SRRM4: variants seen among roughly 807,000 people sequenced by gnomAD.
SRRM4 encodes serine/arginine repetitive matrix protein 4.
A neutral mutation model predicts 68.9 loss-of-function variants in SRRM4; 33 were observed. The observed-to-expected ratio is 0.48, with a 90% CI of 0.36 to 0.64. The LOEUF (loss-of-function observed/expected upper bound fraction) is 0.64. SRRM4 is among the 30% of genes least tolerant of loss of function. SRRM4 has a pLI of 0.00. For missense variants in SRRM4, 817 were observed against 827.1 expected, an observed-to-expected ratio of 0.99 and a Z score of 0.15; for synonymous variants, 318 against 318.8, an observed-to-expected ratio of 1.00 and a Z score of 0.03.
Position 119,091,476 on chromosome 12 carries a change from C to T in SRRM4, c.132-10760C>T, listed in dbSNP as rs79530226. ...GTTTGAGGAAAGGTAGTCAGAGTCACAGTGAGTGGGTCTCCAGAGGCAATC... is the reference window on the plus strand; with the variant it reads ...GTTTGAGGAAAGGTAGTCAGAGTCATAGTGAGTGGGTCTCCAGAGGCAATC... On this transcript the variant is annotated intron_variant, in intron 1 of 12. Transcript: ENST00000267260. Among the ~76,000 whole-genome samples, 961 of 152,244 alleles carry T rather than the reference C, an allele frequency of 6.3e-3. 6 individuals are homozygous for T. Among genetic ancestry groups the T allele is most frequent in the African/African-American group, 0.021 (868 of 41,540 alleles).
chr12:119,091,084 A>G (rs1004424654), intron 1 of SRRM4, among the ~76,000 whole-genome samples: 1 of 152,138 alleles, frequency 6.6e-6, no homozygotes, highest in African/African-American at 2.4e-5. Flanking sequence ...TCTGCTTGTT[A>G]GGAATTTTCT....
chr12:119,014,674 G>A (rs1953470419), intron 1 of SRRM4, among the ~76,000 whole-genome samples: 1 of 152,102 alleles, frequency 6.6e-6, no homozygotes. Context: ...AATTTAGGAA[G>A]GCACAGGAAG....
intron 1 of SRRM4, among the ~76,000 whole-genome samples, chr12:119,071,420 T>C (rs1006542663): frequency 1.3e-5 from 2 of 152,224 alleles, no homozygotes; most frequent in Non-Finnish European, 2.9e-5. Context: ...GAATTAAATC[T>C]GTCTATGCCT....
chr12:119,145,491 A>G lies in SRRM4; in HGVS notation c.882A>G (p.Pro294=), dbSNP rs1283293473. 2 of 1,610,118 alleles carry G rather than the reference A, an allele frequency of 1.2e-6. No individual in the cohort carries two copies. The highest frequency in any genetic ancestry group is 2.2e-5 in the South Asian group (2 of 90,290). ...EYDSGNDTSS[P]PSTQTSSARS... is the part of the protein sequence containing the mutation. ...ACTCAGGAAATGACACGTCCTCGCC[A>G]CCCTCCACGCAAACCAGCTCAGCCA... Residue 294 remains proline (P), a synonymous_variant, in exon 9 of 13, where the codon CCA becomes CCG. Transcript: ENST00000267260.
chr12:119,055,662 T>G (rs1226305823), intron 1 of SRRM4, among the ~76,000 whole-genome samples: 3 of 152,326 alleles, frequency 2.0e-5, no homozygotes, highest in Non-Finnish European at 4.4e-5. Flanking sequence ...TGTTCTGTCA[T>G]GAGTAATAAG....
chr12:119,025,826 A>G (rs915680455), intron 1 of SRRM4, among the ~76,000 whole-genome samples: 2 of 152,082 alleles, frequency 1.3e-5, no homozygotes, highest in Admixed American at 6.5e-5. Flanking sequence ...CATGAAAATG[A>G]TCAGACCTTG....
rs1482855892 is a variant in SRRM4 at position 118,981,776 on chromosome 12, T to G, written c.-107T>G. The G allele has an allele frequency of 8.2e-7, 1 of 1,216,922 alleles. No homozygotes were observed. Among genetic ancestry groups the G allele is most frequent in the Non-Finnish European group, 1.1e-6 (1 of 900,826 alleles). The allele number at this position is 1,216,922 out of a possible 1,614,324, so 75.4% of individuals were successfully genotyped here. A position where few individuals can be genotyped will look rare whatever the true frequency, so the allele number is the denominator to read the frequency against. ...CGATCTCTCCCACCCCACCCCTCTC[T>G]GGGTTTCACCCGGACAGAGCCGGGA... On this transcript the variant is annotated 5_prime_UTR_variant, in exon 1 of 13. Transcript: ENST00000267260.
At chr12:119,015,940 T>C (rs1953478387) in intron 1 of SRRM4, among the ~76,000 whole-genome samples, 1 of 152,158 alleles carries the variant, frequency 6.6e-6, no homozygotes, top group African/African-American at 2.4e-5. Context: ...TGCATATTCA[T>C]GCCCACCAAG....
intron 1 of SRRM4, among the ~76,000 whole-genome samples, chr12:118,987,987 A>G (rs1331874594): frequency 6.6e-6 from 1 of 152,234 alleles, no homozygotes; most frequent in Non-Finnish European, 1.5e-5. Flanking sequence ...GATCAGTGTA[A>G]TTAACATATC....
chr12:119,050,709 G>A (rs1483170251), intron 1 of SRRM4, among the ~76,000 whole-genome samples: 1 of 152,054 alleles, frequency 6.6e-6, no homozygotes, highest in Non-Finnish European at 1.5e-5. Context: ...CATCTTGGTT[G>A]GCACCTAACA....
intron 1 of SRRM4, among the ~76,000 whole-genome samples, chr12:119,003,834 T>A (rs1170417585): frequency 1.3e-5 from 2 of 152,028 alleles, no homozygotes; most frequent in African/African-American, 4.8e-5. Flanking sequence ...AAGCAAACCA[T>A]CATAGAGAAA....
At chr12:119,122,914 C>T (rs1360647600) in intron 6 of SRRM4, among the ~76,000 whole-genome samples, 1 of 152,178 alleles carries the variant, frequency 6.6e-6, no homozygotes, top group African/African-American at 2.4e-5. Flanking sequence ...CTTGGGGCCC[C>T]AGCTGTTTCA....
At chr12:119,086,801 G>C (rs1189267496) in intron 1 of SRRM4, among the ~76,000 whole-genome samples, 1 of 152,196 alleles carries the variant, frequency 6.6e-6, no homozygotes, top group Non-Finnish European at 1.5e-5. Context: ...TTTGAGCCTA[G>C]AAAAGATCCC....
At position 118,981,875 on chromosome 12, in the gene SRRM4, G is replaced by C; in HGVS notation, c.-8G>C. On this transcript the variant is annotated 5_prime_UTR_variant, in exon 1 of 13. Transcript: ENST00000267260. ...CGCCCCGGACGCCCCGGCCCCTTTG[G>C]GTTGGCGATGGCGAGCGTTCAGCAA... The C allele has an allele frequency of 6.2e-7, 1 of 1,613,244 alleles. No homozygotes were observed. Among genetic ancestry groups the C allele is most frequent in the Non-Finnish European group, 8.5e-7 (1 of 1,179,564 alleles).
At position 119,102,402 on chromosome 12, in the gene SRRM4, T is replaced by G; in HGVS notation, c.278+20T>G. 6.3e-7 allele frequency: 1 copy of G among 1,588,950 alleles called. No homozygotes were observed. Among genetic ancestry groups the G allele is most frequent in the Non-Finnish European group, 8.6e-7 (1 of 1,165,256 alleles). ...ACACAGGTGAGATCCAATGAGGACG[T>G]TCAAGTTGAAGATACAGAAATAAAG... is the stretch of plus-strand genomic sequence containing the variant. On this transcript the variant is annotated intron_variant, in intron 2 of 12. Coordinates refer to ENST00000267260, the MANE Select transcript of SRRM4 (RefSeq NM_194286.4).
At chr12:119,099,796 A>G (rs1415483055) in intron 1 of SRRM4, among the ~76,000 whole-genome samples, 2 of 152,188 alleles carry the variant, frequency 1.3e-5, no homozygotes, top group Non-Finnish European at 2.9e-5. Context: ...TCTTCTTCAC[A>G]TAGGCCTCTC....
intron 1 of SRRM4, among the ~76,000 whole-genome samples, chr12:119,052,335 GTC>G (rs373381100): frequency 2.6e-4 from 39 of 152,262 alleles, no homozygotes; most frequent in African/African-American, 9.4e-4. Context: ...TTTCATGTAT[GTC>G]TCTCTGGTGA....
intron 10 of SRRM4, among the ~76,000 whole-genome samples, chr12:119,153,205 AT>A (rs1177558579): frequency 3.3e-5 from 5 of 152,176 alleles, no homozygotes. Context: ...ATTTACCCGA[AT>A]TCACTCATTC....
chr12:119,127,181 T>C (rs1011292938), intron 7 of SRRM4, among the ~76,000 whole-genome samples: 2 of 151,798 alleles, frequency 1.3e-5, no homozygotes, highest in Non-Finnish European at 2.9e-5. Flanking sequence ...GCACATTGTA[T>C]ACATGTACCC....
Sources: allele counts gnomAD v4.1 joint callset (sites outside exome capture counted in the v4.1 genomes callset), GRCh38; gene constraint gnomAD v4.1.1; transcripts MANE v1.5; gene names NCBI Gene and HGNC (gene_info 2026-07-23, HGNC 2026-07-21).